TECPR2: variants seen among roughly 807,000 people sequenced by gnomAD.
The protein encoded by TECPR2 is tectonin beta-propeller repeat containing 2.
Under a neutral mutation model 138.1 loss-of-function variants are expected in TECPR2, and 65 were observed. The observed-to-expected ratio is 0.47, with a 90% CI of 0.39 to 0.58. TECPR2 has a LOEUF of 0.58. Ranked by LOEUF, TECPR2 falls within the 20% of genes least tolerant of loss-of-function variation. The pLI is 0.00. For missense variants in TECPR2, 1,553 were observed against 1,824.5 expected, an observed-to-expected ratio of 0.85 and a Z score of 2.71; for synonymous variants, 746 against 749.8, an observed-to-expected ratio of 0.99 and a Z score of 0.08.
rs1468469000 is a variant in TECPR2 at position 102,449,759 on chromosome 14, T to A, written c.3206T>A (p.Phe1069Tyr). The change falls in exon 14 of 20, where the codon TTT becomes TAT. Residue 1069 changes from phenylalanine (F) to tyrosine (Y), a missense_variant. Phe to Tyr is a conservative substitution (Grantham distance 22). Coordinates refer to ENST00000359520, the MANE Select transcript of TECPR2 (RefSeq NM_014844.5). ...GTGGCAGATAAGCTGCGCATGGCGTTTTGGTCCCAGCAGCTTCAGTGCCAG... is the reference window on the plus strand; with the variant it reads ...GTGGCAGATAAGCTGCGCATGGCGTATTGGTCCCAGCAGCTTCAGTGCCAG... ...EKVADKLRMA[F>Y]WSQQLQCQPS... 1 of 1,614,122 alleles carries A rather than the reference T, an allele frequency of 6.2e-7. No individual in the cohort carries two copies. Among genetic ancestry groups the A allele is most frequent in the Non-Finnish European group, 8.5e-7 (1 of 1,180,012 alleles).
intron 17 of TECPR2, among the ~76,000 whole-genome samples, chr14:102,493,067 A>T (rs1326502905): frequency 6.6e-6 from 1 of 151,840 alleles, no homozygotes; most frequent in Non-Finnish European, 1.5e-5. Context: ...CTATCTGGAG[A>T]CCCCTCAGAG....
chr14:102,376,616 G>A (rs1341658962), intron 1 of TECPR2, 34 bp from the exon 2 acceptor site: 10 of 970,576 alleles, frequency 1.0e-5, no homozygotes, highest in Admixed American at 2.1e-5. Flanking sequence ...GCCATGACTA[G>A]GCATTGAAAG....
At chr14:102,469,726 T>G (rs149060952) in intron 17 of TECPR2, among the ~76,000 whole-genome samples, 2 of 152,250 alleles carry the variant, frequency 1.3e-5, no homozygotes, top group African/African-American at 4.8e-5. Context: ...CTTTATTAGG[T>G]TGAACTTCCC....
chr14:102,491,256 C>T (rs1002565209), intron 17 of TECPR2, among the ~76,000 whole-genome samples: 3 of 152,188 alleles, frequency 2.0e-5, no homozygotes, highest in Non-Finnish European at 4.4e-5. Context: ...TGCTCTGTTG[C>T]CCAAGCTAGA....
rs181214413 is a variant in TECPR2, at chr14:102,431,403, C to T, written c.1085-393C>T. 3.1e-3 allele frequency among the ~76,000 whole-genome samples: 423 copies of T among 138,180 alleles called. 4 individuals are homozygous for T. The highest frequency in any genetic ancestry group is 0.011 in the African/African-American group (388 of 36,440). 90.7% of individuals were successfully genotyped at this position (138,180 alleles called of 152,430 possible). A position where few individuals can be genotyped will look rare whatever the true frequency, so the allele number is the denominator to read the frequency against. ...TGTTGCCCAGGCTGGAGTGCAGTGG[C>T]GCAATCTCGGCTCACTGCAAGCTTT... On this transcript the variant is annotated intron_variant, in intron 7 of 19. Transcript: ENST00000359520.
At chr14:102,475,076 C>T (rs192425476) in intron 17 of TECPR2, among the ~76,000 whole-genome samples, 28 of 152,304 alleles carry the variant, frequency 1.8e-4, no homozygotes, top group South Asian at 6.2e-4. Flanking sequence ...TAGAGACACA[C>T]GCAAACCACT....
chr14:102,412,820 T>G (rs1888920506), intron 4 of TECPR2, among the ~76,000 whole-genome samples: 2 of 151,988 alleles, frequency 1.3e-5, no homozygotes, highest in African/African-American at 4.8e-5. Context: ...TCTGGCCAGG[T>G]GTGGTGGCTC....
At chr14:102,464,623 G>A (rs543290876) in intron 16 of TECPR2, among the ~76,000 whole-genome samples, 26 of 152,256 alleles carry the variant, frequency 1.7e-4, no homozygotes, top group Non-Finnish European at 3.4e-4. Flanking sequence ...GGGCTCAACC[G>A]ATCCACCCGC....
intron 1 of TECPR2, among the ~76,000 whole-genome samples, chr14:102,370,170 C>T (rs1887464105): frequency 6.6e-6 from 1 of 151,916 alleles, no homozygotes; most frequent in Non-Finnish European, 1.5e-5. Context: ...CTCCTGGGTT[C>T]AAGCGATTCT....
At chr14:102,397,351 C>G (rs1773658532) in intron 2 of TECPR2, among the ~76,000 whole-genome samples, 1 of 151,942 alleles carries the variant, frequency 6.6e-6, no homozygotes. Flanking sequence ...GGAAAGTATG[C>G]TCTTCCAAGG....
At chr14:102,465,641 G>A (rs1469267573) in intron 17 of TECPR2, 1 of 990,810 alleles carries the variant, frequency 1.0e-6, no homozygotes, top group African/African-American at 1.7e-5. Context: ...TCAGTACCCA[G>A]AAGTATAAAG....
chr14:102,444,257 G>A (rs556309759), intron 12 of TECPR2, among the ~76,000 whole-genome samples: 27 of 148,890 alleles, frequency 1.8e-4, no homozygotes, highest in African/African-American at 4.5e-4. Flanking sequence ...GCAGTGCCAC[G>A]ATCACGGCTC....
chr14:102,407,763 G>A (rs1214755806), intron 3 of TECPR2, among the ~76,000 whole-genome samples: 3 of 151,960 alleles, frequency 2.0e-5, no homozygotes, highest in Non-Finnish European at 4.4e-5. Flanking sequence ...TTGGGAGGCC[G>A]AGGCAGGCAG....
chr14:102,479,550 G>A (rs1890839466), intron 17 of TECPR2, among the ~76,000 whole-genome samples: 1 of 152,202 alleles, frequency 6.6e-6, no homozygotes, highest in South Asian at 2.1e-4. Flanking sequence ...AATGGAGAAG[G>A]TCTGCAGTGA....
chr14:102,439,701 TG>T (rs1889778121), intron 10 of TECPR2, among the ~76,000 whole-genome samples: 1 of 152,206 alleles, frequency 6.6e-6, no homozygotes, highest in Admixed American at 6.5e-5. Flanking sequence ...CCCATGTCCT[TG>T]GTGGGCAGCA....
intron 2 of TECPR2, among the ~76,000 whole-genome samples, chr14:102,379,600 A>G: frequency 6.7e-6 from 1 of 150,226 alleles, no homozygotes; most frequent in South Asian, 2.1e-4. Flanking sequence ...GCTGAAGATC[A>G]CAGTCTTAAA....
At chr14:102,464,824 G>A (rs766554211) in intron 16 of TECPR2, among the ~76,000 whole-genome samples, 29 of 152,344 alleles carry the variant, frequency 1.9e-4, no homozygotes, top group African/African-American at 6.5e-4. Context: ...AGGGCTCGGT[G>A]GTTCAGGGCA....
At position 102,498,862 on chromosome 14, in the gene TECPR2, A is replaced by G; in HGVS notation, c.*605A>G. On this transcript the variant is annotated 3_prime_UTR_variant, in exon 20 of 20. Coordinates refer to ENST00000359520, the MANE Select transcript of TECPR2 (RefSeq NM_014844.5). ...GAGAGAACCCACGCACATGCACACCACAACACACAACACACCTCACCTCAC... is the reference window on the plus strand; with the variant it reads ...GAGAGAACCCACGCACATGCACACCGCAACACACAACACACCTCACCTCAC... The G allele has an allele frequency of 4.6e-6, 3 of 653,380 alleles. No homozygotes were observed. The highest frequency in any genetic ancestry group is 8.5e-6 in the Non-Finnish European group (3 of 352,612). 40.5% of individuals were successfully genotyped at this position (653,380 alleles called of 1,614,324 possible).
chr14:102,462,403 A>G (rs1334818888), intron 16 of TECPR2, among the ~76,000 whole-genome samples: 3 of 152,256 alleles, frequency 2.0e-5, no homozygotes, highest in African/African-American at 7.2e-5. Context: ...AGGAGAAAAT[A>G]CAGTTAATTT....
Sources: gnomAD v4.1 joint callset for allele counts (sites outside exome capture counted in the v4.1 genomes callset) on GRCh38, gnomAD v4.1.1 for gene constraint, MANE v1.5 for transcripts, NCBI Gene and HGNC (gene_info 2026-07-23, HGNC 2026-07-21) for gene names.